The following PABIR3 variants were observed in gnomAD, a reference collection of about 807,000 sequenced individuals.
PABIR3 encodes the protein PABIR family member 3, also known as PABIR family member 1.
Under a neutral mutation model 23.1 loss-of-function variants are expected in PABIR3, and 20 were observed. The ratio of observed to expected loss-of-function variants is 0.86; its 90% CI spans 0.61 to 1.26. PABIR3 has a LOEUF of 1.26. PABIR3 is among the 50% of genes most tolerant of loss of function. PABIR3 has a pLI of 0.00. For missense variants in PABIR3, 189 were observed against 195.4 expected (o/e 0.97, Z 0.20); for synonymous variants, 69 against 68.5 (o/e 1.01, Z -0.04).
At chrX:134,833,625 G>T (rs1308697538) in intron 4 of PABIR3, among the ~76,000 whole-genome samples, 2 of 110,871 alleles carry the variant, frequency 1.8e-5, no homozygotes, top group African/African-American at 3.3e-5. Context: ...TTCCATGGTG[G>T]TTTGCTGCAC....
downstream of PABIR3, among the ~76,000 whole-genome samples, chrX:134,857,585 C>A (rs2082756322): frequency 9.0e-6 from 1 of 111,396 alleles, no homozygotes; most frequent in Non-Finnish European, 1.9e-5. Flanking sequence ...TTTCATCTTT[C>A]CTAAATTAGT....
At chrX:134,805,186 A>G (rs2080177627), upstream of PABIR3, among the ~76,000 whole-genome samples, 1 of 111,713 alleles carries the variant, frequency 9.0e-6, no homozygotes, top group African/African-American at 3.3e-5. Flanking sequence ...GCCACTTAGT[A>G]GTTGCAACTT....
rs767650170 is a variant in PABIR3, at chrX:134,833,984, G to A, written c.246+4702G>A. 2.7e-5 allele frequency: 3 copies of A among 112,032 alleles called. No individual in the cohort carries two copies. The Admixed American group carries it at 2.9e-4, about 11-fold the overall frequency. 9.2% of individuals were successfully genotyped at this position (112,032 alleles called of 1,213,427 possible). On this transcript the variant is annotated intron_variant, in intron 4 of 10. Transcript: ENST00000645433. ...ATAGTACTGCAGTAAACATGCGTGT[G>A]CATGTGTCTTTATGGTAAAATGAAT...
chrX:134,797,694 A>G (rs1219145655), intron 1 of PABIR3, among the ~76,000 whole-genome samples: 2 of 111,675 alleles, frequency 1.8e-5, no homozygotes, highest in Non-Finnish European at 3.8e-5. Flanking sequence ...GCACCTTTAG[A>G]TTCAACAAAA....
At chrX:134,851,686 T>C (rs765288481) in intron 9 of PABIR3, among the ~76,000 whole-genome samples, 5 of 112,206 alleles carry the variant, frequency 4.5e-5, no homozygotes, top group Non-Finnish European at 9.4e-5. Flanking sequence ...ATGTTTTGAT[T>C]TGTCATGTTT....
At chrX:134,840,551 C>T (rs931753068) in intron 4 of PABIR3, among the ~76,000 whole-genome samples, 4 of 110,594 alleles carry the variant, frequency 3.6e-5, no homozygotes, top group Non-Finnish European at 5.7e-5. Flanking sequence ...TCATTCTTAT[C>T]GTCATCTTCA....
At chrX:134,841,613 T>C (rs1163457742) in intron 4 of PABIR3, among the ~76,000 whole-genome samples, 1 of 111,126 alleles carries the variant, frequency 9.0e-6, no homozygotes, top group East Asian at 2.8e-4. Context: ...GTAGATCATC[T>C]GAGGTCAAGA....
At chrX:134,839,967 CTG>C (rs2082165380) in intron 4 of PABIR3, among the ~76,000 whole-genome samples, 1 of 112,652 alleles carries the variant, frequency 8.9e-6, no homozygotes, top group Non-Finnish European at 1.9e-5. Flanking sequence ...GTTGCCGTGT[CTG>C]TGTAGAAAGA....
At chrX:134,853,920 G>A (rs1400028640) in intron 10 of PABIR3, among the ~76,000 whole-genome samples, 171 bp from the exon 11 acceptor site, 1 of 111,873 alleles carries the variant, frequency 8.9e-6, no homozygotes, top group Non-Finnish European at 1.9e-5. Flanking sequence ...ACCTGGCCAT[G>A]GATTTCTATT....
At chrX:134,860,959 A>G in the PABIR3 span, among the ~76,000 whole-genome samples, 4,493 of 111,914 alleles carry the variant, frequency 0.04, 82 homozygotes, top group East Asian at 0.067. Context: ...ATTAACGGGT[A>G]CAGAGTTTCT....
rs1228672779 is a variant in PABIR3, at chrX:134,845,264, T to A, written c.290+16T>A. On this transcript the variant is annotated intron_variant, in intron 5 of 10. Coordinates refer to ENST00000645433, the MANE Select transcript of PABIR3 (RefSeq NM_001388447.1). ...TGTCTGAATGGTGAGTACTGTACTTTGAATTACTATTCTGATAATTTGTAT... is the reference window on the plus strand; with the variant it reads ...TGTCTGAATGGTGAGTACTGTACTTAGAATTACTATTCTGATAATTTGTAT... 1 of 1,182,463 alleles carries A rather than the reference T, an allele frequency of 8.5e-7. No individual in the cohort carries two copies.
At chrX:134,812,642 A>G (rs2080739722) in intron 2 of PABIR3, among the ~76,000 whole-genome samples, 1 of 111,536 alleles carries the variant, frequency 9.0e-6, no homozygotes, top group Admixed American at 9.6e-5. Flanking sequence ...TGCTAGGGGA[A>G]TTCAAAGAAG....
chrX:134,857,304 G>A (rs745598997), downstream of PABIR3, among the ~76,000 whole-genome samples: 18 of 110,713 alleles, frequency 1.6e-4, no homozygotes, highest in East Asian at 8.6e-4. Flanking sequence ...CTTGGCTTAC[G>A]GATACATCAC....
chrX:134,814,939 G>T, intron 3 of PABIR3, 90 bp downstream of exon 3: 2 of 713,435 alleles, frequency 2.8e-6, no homozygotes, highest in Non-Finnish European at 2.0e-6. Context: ...TTCACAGGGA[G>T]GGCTTATTAA....
At chrX:134,816,568 C>T (rs2080989540) in intron 3 of PABIR3, among the ~76,000 whole-genome samples, 1 of 110,945 alleles carries the variant, frequency 9.0e-6, no homozygotes, top group African/African-American at 3.3e-5. Flanking sequence ...GTGATCCACC[C>T]GCCTTGGCCT....
chrX:134,813,594 T>C (rs766674674), intron 2 of PABIR3, among the ~76,000 whole-genome samples: 25 of 111,764 alleles, frequency 2.2e-4, no homozygotes, highest in Non-Finnish European at 4.3e-4. Context: ...TTGCAACTTC[T>C]TGTGAGTCTT....
intron 3 of PABIR3, among the ~76,000 whole-genome samples, chrX:134,825,938 A>G (rs1351124008): frequency 9.3e-6 from 1 of 106,990 alleles, no homozygotes; most frequent in African/African-American, 3.4e-5. Flanking sequence ...GGCCTGTCAA[A>G]GTGCTAGGAT....
chrX:134,842,692 G>C (rs1281559544), intron 4 of PABIR3, among the ~76,000 whole-genome samples: 1 of 110,563 alleles, frequency 9.0e-6, no homozygotes, highest in South Asian at 3.8e-4. Flanking sequence ...GAGGTCAGGA[G>C]TTTGAAACCA....
chrX:134,839,940 G>C (rs1169458803), intron 4 of PABIR3, among the ~76,000 whole-genome samples: 1 of 112,968 alleles, frequency 8.9e-6, no homozygotes, highest in Non-Finnish European at 1.9e-5. Flanking sequence ...GTGGGGAAAA[G>C]ATTGAGAAAT....
Sources: gnomAD v4.1 joint callset for allele counts (sites outside exome capture counted in the v4.1 genomes callset) on GRCh38, gnomAD v4.1.1 for gene constraint, MANE v1.5 for transcripts, NCBI Gene and HGNC (gene_info 2026-07-23, HGNC 2026-07-21) for gene names.